Variants in TFDP2 observed in about 807,000 individuals in gnomAD.
The protein encoded by TFDP2 is transcription factor Dp-2.
In TFDP2, 17 loss-of-function variants were observed where a neutral mutation model predicts 59.3. The ratio of observed to expected loss-of-function variants is 0.29; its 90% confidence interval spans 0.20 to 0.43. The LOEUF (loss-of-function observed/expected upper bound fraction) is 0.43. Among genes scored for constraint, TFDP2 ranks in the 20% least tolerant of loss-of-function variants. The pLI is 1.00. For missense variants in TFDP2, 391 were observed against 528.8 expected, an observed-to-expected ratio of 0.74 and a Z score of 2.56; for synonymous variants, 180 against 194.7, an observed-to-expected ratio of 0.92 and a Z score of 0.63.
At chr3:141,991,664 A>T (rs1302417614) in intron 6 of TFDP2, among the ~76,000 whole-genome samples, 1 of 152,088 alleles carries the variant, frequency 6.6e-6, no homozygotes, top group Non-Finnish European at 1.5e-5. Flanking sequence ...CAGGAGAATC[A>T]CTTGAGCCTG....
intron 10 of TFDP2, among the ~76,000 whole-genome samples, chr3:141,961,388 C>T (rs1035476910): frequency 2.3e-4 from 35 of 151,518 alleles, no homozygotes; most frequent in African/African-American, 7.7e-4. Context: ...GGAGTACAGG[C>T]GCGTGCCACC....
intron 3 of TFDP2, among the ~76,000 whole-genome samples, chr3:142,012,431 T>C (rs1035916617): frequency 1.3e-5 from 2 of 152,234 alleles, no homozygotes; most frequent in Non-Finnish European, 2.9e-5. Flanking sequence ...ACCCTCTGAC[T>C]AGCAATTCCT....
At chr3:141,995,738 C>G (rs1943208341) in intron 4 of TFDP2, among the ~76,000 whole-genome samples, 1 of 151,858 alleles carries the variant, frequency 6.6e-6, no homozygotes, top group South Asian at 2.1e-4. Context: ...ATAAAATTAG[C>G]CAGGTATGGT....
At chr3:141,953,651 C>T (rs965893949) in intron 11 of TFDP2, among the ~76,000 whole-genome samples, 6 of 151,580 alleles carry the variant, frequency 4.0e-5, no homozygotes, top group Non-Finnish European at 8.8e-5. Context: ...TATTATTATA[C>T]TTTAAGTTTT....
intron 8 of TFDP2, among the ~76,000 whole-genome samples, chr3:141,971,063 G>GAA (rs879436749): frequency 2.4e-5 from 3 of 123,926 alleles, no homozygotes. Context: ...GTCTCAAAAA[G>GAA]AAAAAAAAAA....
rs1461501792 is a variant in TFDP2, at chr3:141,946,266, G to A, written c.*6247C>T. The A allele has an allele frequency of 1.3e-5, 2 of 152,232 alleles. No homozygotes were observed. Among genetic ancestry groups the A allele is most frequent in the African/African-American group, 2.4e-5 (1 of 41,454 alleles). The allele number at this position is 152,232 out of a possible 1,614,324, so 9.4% of individuals were successfully genotyped here. A position where few individuals can be genotyped will look rare whatever the true frequency, so the allele number is the denominator to read the frequency against. ...TGTTATCCCCGATCCTGAGACCTGC[G>A]GCGAAGGGGCGAGGCCTGACCCTGA... is the stretch of plus-strand genomic sequence containing the variant. On this transcript the variant is annotated 3_prime_UTR_variant, in exon 13 of 13. Transcript: ENST00000489671.
intron 3 of TFDP2, among the ~76,000 whole-genome samples, chr3:142,073,306 T>C (rs1012759986): frequency 6.6e-6 from 1 of 152,098 alleles, no homozygotes; most frequent in African/African-American, 2.4e-5. Context: ...ACGCTACTGA[T>C]AGTAGGAGAA....
At chr3:141,970,344 G>T (rs1477880358) in intron 8 of TFDP2, among the ~76,000 whole-genome samples, 1 of 152,198 alleles carries the variant, frequency 6.6e-6, no homozygotes, top group Non-Finnish European at 1.5e-5. Flanking sequence ...TGTGGCAACT[G>T]TCATTAAAAA....
intron 3 of TFDP2, among the ~76,000 whole-genome samples, chr3:142,062,817 G>C (rs1156355913): frequency 6.6e-6 from 1 of 152,110 alleles, no homozygotes; most frequent in Non-Finnish European, 1.5e-5. Flanking sequence ...AATGAGAAAG[G>C]ATGAACTATG....
intron 6 of TFDP2, among the ~76,000 whole-genome samples, chr3:141,991,584 C>T (rs1942768580): frequency 6.6e-6 from 1 of 151,952 alleles, no homozygotes; most frequent in South Asian, 2.1e-4. Flanking sequence ...ATGGTGAAAC[C>T]CCATCTCTAC....
chr3:142,009,458 TC>T (rs908710903), intron 3 of TFDP2, among the ~76,000 whole-genome samples: 14 of 152,270 alleles, frequency 9.2e-5, no homozygotes, highest in African/African-American at 3.4e-4. Context: ...ATGCCTGTAA[TC>T]CCAGCATTTT....
intron 3 of TFDP2, among the ~76,000 whole-genome samples, chr3:142,079,054 A>G (rs1010974896): frequency 6.6e-6 from 1 of 152,048 alleles, no homozygotes; most frequent in Non-Finnish European, 1.5e-5. Flanking sequence ...TTGATCAAGC[A>G]GAAGAAAGAA....
intron 3 of TFDP2, among the ~76,000 whole-genome samples, chr3:142,054,605 G>T (rs895051368): frequency 2.0e-5 from 3 of 152,076 alleles, no homozygotes; most frequent in Non-Finnish European, 2.9e-5. Flanking sequence ...CAATGCACAG[G>T]TTTCATAATT....
intron 11 of TFDP2, among the ~76,000 whole-genome samples, chr3:141,953,914 T>C (rs1158045813): frequency 6.6e-6 from 1 of 151,828 alleles, no homozygotes; most frequent in Non-Finnish European, 1.5e-5. Context: ...CTCACGCCTA[T>C]AATCCCAGCA....
intron 3 of TFDP2, among the ~76,000 whole-genome samples, chr3:142,032,122 G>A (rs1446283065): frequency 6.6e-6 from 1 of 151,224 alleles, no homozygotes; most frequent in Non-Finnish European, 1.5e-5. Context: ...AGAGAGAGAG[G>A]GTTTTGTTCT....
intron 3 of TFDP2, among the ~76,000 whole-genome samples, chr3:142,042,012 A>G (rs559296643): frequency 6.6e-6 from 1 of 152,304 alleles, no homozygotes; most frequent in Admixed American, 6.5e-5. Context: ...TTCTACTGAT[A>G]TATGTGTCCA....
At position 141,970,067 on chromosome 3, in the gene TFDP2, CT is replaced by C. The variant is rs767137621; in HGVS notation, c.732+5del. Reference sequence around the variant, plus strand: ...GAAGGTAATGAAAACATCTCGGTATCTTTACCTGTAGGAGAAGTTCTTGCAG... The same window carrying C: ...GAAGGTAATGAAAACATCTCGGTATCTTACCTGTAGGAGAAGTTCTTGCAG... On this transcript the variant is annotated splice_donor_5th_base_variant and intron_variant, in intron 9 of 12. Transcript: ENST00000489671. 6.2e-7 allele frequency: 1 copy of C among 1,613,692 alleles called. No homozygotes were observed. The highest frequency in any genetic ancestry group is 8.5e-7 in the Non-Finnish European group (1 of 1,179,574).
intron 4 of TFDP2, among the ~76,000 whole-genome samples, chr3:141,999,158 C>T (rs762603770): frequency 3.3e-5 from 5 of 152,120 alleles, no homozygotes; most frequent in Non-Finnish European, 5.9e-5. Context: ...CTTTCTCCTC[C>T]GCAGCCTGCT....
chr3:141,999,095 T>C (rs1267581679), intron 4 of TFDP2, among the ~76,000 whole-genome samples: 1 of 152,170 alleles, frequency 6.6e-6, no homozygotes, highest in Non-Finnish European at 1.5e-5. Context: ...CACTTATACA[T>C]GGATTTTCTT....
Sources: allele counts gnomAD v4.1 joint callset (sites outside exome capture counted in the v4.1 genomes callset), GRCh38; gene constraint gnomAD v4.1.1; transcripts MANE v1.5; gene names NCBI Gene and HGNC (gene_info 2026-07-23, HGNC 2026-07-21).